Variants in IL17RD observed in about 807,000 individuals in gnomAD.
The protein encoded by IL17RD is interleukin-17 receptor D.
IL17RD carries 52 observed loss-of-function variants against 80.5 expected under a neutral mutation model. The observed-to-expected ratio is 0.65, with a 90% CI of 0.52 to 0.81. The LOEUF (loss-of-function observed/expected upper bound fraction) is 0.81, where lower values mean the gene tolerates loss of function less well. Among genes scored for constraint, IL17RD ranks in the 40% least tolerant of loss-of-function variants. IL17RD has a pLI of 0.00. For missense variants in IL17RD, 1,024 were observed against 955.1 expected, an observed-to-expected ratio of 1.07 and a Z score of -0.95; for synonymous variants, 416 against 391.8, an observed-to-expected ratio of 1.06 and a Z score of -0.73.
At chr3:57,108,194 A>C (rs1707007934) in intron 5 of IL17RD, among the ~76,000 whole-genome samples, 1 of 150,664 alleles carries the variant, frequency 6.6e-6, no homozygotes, top group Non-Finnish European at 1.5e-5. Flanking sequence ...TGAGAAGCTG[A>C]GATTACAGGC....
chr3:57,101,889 T>G (rs976977031), intron 10 of IL17RD, among the ~76,000 whole-genome samples: 1 of 152,204 alleles, frequency 6.6e-6, no homozygotes, highest in Non-Finnish European at 1.5e-5. Flanking sequence ...CTTTTGTAAA[T>G]GACCAAGCCC....
chr3:57,102,591 TG>T lies in IL17RD; in HGVS notation c.869-3del. On this transcript the variant is annotated splice_polypyrimidine_tract_variant and splice_region_variant and intron_variant, in intron 9 of 12. Coordinates refer to ENST00000296318, the MANE Select transcript of IL17RD (RefSeq NM_017563.5). ...TGGGCCCGGCCCACGGGGAGTGCAC[TG>T]GGAAATTTCAAAGGGAAAGTTTTTA... 1 of 1,479,820 alleles carries T rather than the reference TG, an allele frequency of 6.8e-7. No individual in the cohort carries two copies. Among genetic ancestry groups the T allele is most frequent in the Non-Finnish European group, 9.3e-7 (1 of 1,080,730 alleles). The allele number at this position is 1,479,820 out of a possible 1,614,324, so 91.7% of individuals were successfully genotyped here.
intron 7 of IL17RD, 50 bp downstream of exon 7, chr3:57,105,807 G>A: frequency 9.0e-6 from 14 of 1,559,624 alleles, no homozygotes; most frequent in Non-Finnish European, 1.1e-5. Flanking sequence ...AGTGGCCTGG[G>A]GGTCGCTTTG....
At chr3:57,101,464 A>C in intron 10 of IL17RD, 101 bp from the exon 11 acceptor site, 3 of 731,930 alleles carry the variant, frequency 4.1e-6, no homozygotes, top group Non-Finnish European at 4.4e-6. Flanking sequence ...GAACACGTCT[A>C]CCTAGAGCAG....
intron 1 of IL17RD, among the ~76,000 whole-genome samples, chr3:57,152,605 T>A (rs1351821699): frequency 6.6e-5 from 10 of 152,214 alleles, no homozygotes; most frequent in Admixed American, 6.5e-4. Context: ...AACTTGTTGC[T>A]TTTTGACATT....
rs757450904 is a variant in IL17RD, at chr3:57,097,897, G to A, written c.1806C>T (p.Cys602=). ...CAAGAACAGCCGCCTCTACCTTTAG[G>A]CAGAAGTCACTCTCAGGCCCTGGTT... The part of the protein sequence containing the change: ...MCKPGPESDF[C]LKVEAAVLGA... The change falls in exon 12 of 13, where the codon TGC becomes TGT. Residue 602 remains cysteine, a synonymous_variant. Coordinates refer to ENST00000296318, the MANE Select transcript of IL17RD (RefSeq NM_017563.5). The A allele has an allele frequency of 2.9e-5, 47 of 1,613,952 alleles. No individual in the cohort carries two copies. In the South Asian group the frequency reaches 5.1e-4, roughly 17 times the overall value.
At chr3:57,131,860 A>C (rs1340384583) in intron 1 of IL17RD, among the ~76,000 whole-genome samples, 1 of 152,220 alleles carries the variant, frequency 6.6e-6, no homozygotes, top group African/African-American at 2.4e-5. Context: ...CGTCTGTTGA[A>C]TAATAGAGAG....
chr3:57,110,566 C>T (rs1707074713), intron 3 of IL17RD, among the ~76,000 whole-genome samples: 1 of 152,192 alleles, frequency 6.6e-6, no homozygotes, highest in Non-Finnish European at 1.5e-5. Flanking sequence ...ATACCTATTG[C>T]CTCTCTGGCA....
chr3:57,134,549 C>A, intron 1 of IL17RD: 1 of 1,399,018 alleles, frequency 7.1e-7, no homozygotes, highest in Non-Finnish European at 1.0e-6. Context: ...AGTGGATTCT[C>A]ATGGAACACA....
At chr3:57,166,220 G>C (rs2107552248), upstream of IL17RD, among the ~76,000 whole-genome samples, 1 of 152,232 alleles carries the variant, frequency 6.6e-6, no homozygotes, top group African/African-American at 2.4e-5. Flanking sequence ...CTCCCACTTT[G>C]TCCCTCTCCA....
chr3:57,138,642 G>C (rs180780350), intron 1 of IL17RD, among the ~76,000 whole-genome samples: 3 of 152,110 alleles, frequency 2.0e-5, no homozygotes, highest in Admixed American at 2.0e-4. Context: ...AGGCAATAAC[G>C]AGAATACTGG....
chr3:57,127,412 A>ATATATATATATTT lies in IL17RD; in HGVS notation c.127-7100_127-7099insAAATATATATATA, dbSNP rs1246159104. Among the ~76,000 whole-genome samples, 43 of 91,190 alleles carry ATATATATATATTT rather than the reference A, an allele frequency of 4.7e-4. 1 individual carries two copies. Among genetic ancestry groups the ATATATATATATTT allele is most frequent in the African/African-American group, 2.0e-3 (41 of 20,468 alleles). 59.8% of individuals were successfully genotyped at this position (91,190 alleles called of 152,430 possible). A position where few individuals can be genotyped will look rare whatever the true frequency, so the allele number is the denominator to read the frequency against. ...AATAAATAAATATATATATATATAT[A>ATATATATATATTT]TTTTTTTTTTGAGATAAGAGTCTTG... is the stretch of plus-strand genomic sequence containing the variant. On this transcript the variant is annotated intron_variant, in intron 1 of 12. Transcript: ENST00000296318.
intron 2 of IL17RD, 78 bp from the exon 3 acceptor site, chr3:57,114,895 A>G (rs1024313314): frequency 5.6e-6 from 7 of 1,259,784 alleles, no homozygotes; most frequent in Non-Finnish European, 7.5e-6. Context: ...CAAAATAAAC[A>G]GGGCATGTCT....
chr3:57,125,526 C>T (rs1043208616), intron 1 of IL17RD, among the ~76,000 whole-genome samples: 6 of 152,198 alleles, frequency 3.9e-5, no homozygotes, highest in African/African-American at 1.4e-4. Context: ...TTTAGGTCAT[C>T]CTTCCCAAGA....
upstream of IL17RD, chr3:57,165,366 C>T (rs553155649): frequency 6.6e-4 from 756 of 1,138,594 alleles, 4 homozygotes; most frequent in African/African-American, 0.012. Context: ...GCGGTGGCCG[C>T]GGCGGCCGCG....
chr3:57,154,279 T>TACACACACACACACACACACACACACAC (rs779041353), intron 1 of IL17RD, among the ~76,000 whole-genome samples: 6 of 126,336 alleles, frequency 4.7e-5, no homozygotes, highest in African/African-American at 2.0e-4. Context: ...TATATATATA[T>TACACACACACACACACACACACACACAC]ATATACACAC....
intron 1 of IL17RD, among the ~76,000 whole-genome samples, chr3:57,156,435 C>T (rs1293011542): frequency 6.6e-6 from 1 of 152,056 alleles, no homozygotes; most frequent in African/African-American, 2.4e-5. Flanking sequence ...CTTGGTGGCA[C>T]GTGCCTGTAG....
intron 1 of IL17RD, among the ~76,000 whole-genome samples, chr3:57,150,024 G>A (rs984432145): frequency 1.3e-5 from 2 of 152,152 alleles, no homozygotes; most frequent in East Asian, 3.8e-4. Flanking sequence ...AAATTCCCTT[G>A]TACTGCCCCT....
rs927728984 is a variant in IL17RD at position 57,095,425 on chromosome 3, T to C, written c.*968A>G. 6.6e-6 allele frequency: 1 copy of C among 152,250 alleles called. No homozygotes were observed. Among genetic ancestry groups the C allele is most frequent in the East Asian group, 1.9e-4 (1 of 5,206 alleles). The allele number at this position is 152,250 out of a possible 1,614,324, so 9.4% of individuals were successfully genotyped here. On this transcript the variant is annotated 3_prime_UTR_variant, in exon 13 of 13. Transcript: ENST00000296318. The stretch of plus-strand genomic sequence containing the variant: ...GTCAAAACCAGTTCAGCAGATTAAC[T>C]GGCCATCACCTCCACACACTGCTGT...
Sources: gnomAD v4.1 joint callset for allele counts (sites outside exome capture counted in the v4.1 genomes callset) on GRCh38, gnomAD v4.1.1 for gene constraint, MANE v1.5 for transcripts, NCBI Gene and HGNC (gene_info 2026-07-23, HGNC 2026-07-21) for gene names.